The following LRRC43 variants were observed in gnomAD, a reference collection of about 807,000 sequenced individuals.
LRRC43 encodes leucine-rich repeat-containing protein 43.
LRRC43 carries 62 observed loss-of-function variants against 64.3 expected under a neutral mutation model. That is an observed-to-expected ratio of 0.96 (90% CI 0.79 to 1.19). LRRC43 has a LOEUF of 1.19. LRRC43 is among the 50% of genes most tolerant of loss of function. LRRC43 has a pLI of 0.00. For missense variants in LRRC43, 868 were observed against 845.0 expected (o/e 1.03, Z -0.34); for synonymous variants, 422 against 382.3 (o/e 1.10, Z -1.21).
upstream of LRRC43, among the ~76,000 whole-genome samples, chr12:122,182,512 A>T (rs1953590683): frequency 8.0e-6 from 1 of 124,224 alleles, no homozygotes; most frequent in Non-Finnish European, 1.6e-5. Context: ...ACAAGAGTGA[A>T]ACTCGGTCTC....
rs78691998 is a variant in LRRC43 at position 122,200,733 on chromosome 12, C to T, written c.1621-13C>T. 3,696 of 1,613,108 alleles carry T rather than the reference C, an allele frequency of 2.3e-3. 110 individuals are homozygous for T. The East Asian group carries it at 0.069, about 30-fold the overall frequency. Reference sequence around the variant, plus strand: ...TCAACTTGTCCCACCCTCCTGTCCTCCCGTCGTCGCAGGAGTGGAAGGTGC... The same window carrying T: ...TCAACTTGTCCCACCCTCCTGTCCTTCCGTCGTCGCAGGAGTGGAAGGTGC... On this transcript the variant is annotated splice_polypyrimidine_tract_variant and intron_variant, in intron 9 of 11. Coordinates refer to ENST00000339777, the MANE Select transcript of LRRC43 (RefSeq NM_001098519.2). This position sits in a 1 kb window ranked among gnomAD's most constrained non-coding sequence, Gnocchi z 4.6.
chr12:122,187,847 C>CA lies in LRRC43; in HGVS notation c.662+7_662+8insA, dbSNP rs755324432. On this transcript the variant is annotated splice_region_variant and intron_variant, in intron 4 of 11. Transcript: ENST00000339777. ...ACGTCACCGCTAATCACTGGTAACTCGGGAGCCCAGATGGAAAGTGAGAGG... is the reference window on the plus strand; with the variant it reads ...ACGTCACCGCTAATCACTGGTAACTCAGGGAGCCCAGATGGAAAGTGAGAGG... 6.1e-5 allele frequency: 99 copies of CA among 1,613,546 alleles called. No individual in the cohort carries two copies. In the African/African-American group the frequency reaches 1.3e-3, roughly 20 times the overall value.
At chr12:122,170,927 G>A (rs1247924492) in intron 1 of LRRC43, among the ~76,000 whole-genome samples, 1 of 152,192 alleles carries the variant, frequency 6.6e-6, no homozygotes, top group Non-Finnish European at 1.5e-5. Context: ...GATTCAGTAG[G>A]TCTGGGGTGA....
At chr12:122,174,451 C>T (rs1314515189) in intron 1 of LRRC43, among the ~76,000 whole-genome samples, 2 of 152,194 alleles carry the variant, frequency 1.3e-5, no homozygotes, top group African/African-American at 2.4e-5. Flanking sequence ...CACATGAATG[C>T]ATCTTTGCCA....
intron 3 of LRRC43, 35 bp downstream of exon 3, chr12:122,186,335 C>A: frequency 7.2e-7 from 1 of 1,380,134 alleles, no homozygotes; most frequent in Non-Finnish European, 1.0e-6. Flanking sequence ...AGTATTTGGG[C>A]CTCCGCTGCC....
upstream of LRRC43, among the ~76,000 whole-genome samples, chr12:122,182,443 ATC>A (rs1312837942): frequency 7.0e-6 from 1 of 143,466 alleles, no homozygotes; most frequent in African/African-American, 2.6e-5. Context: ...AATCGGTTGA[ATC>A]TGGGAGGCGG....
chr12:122,187,665 G>GC (rs776455413), intron 3 of LRRC43, 36 bp from the exon 4 acceptor site: 1 of 1,606,316 alleles, frequency 6.2e-7, no homozygotes, highest in African/African-American at 1.3e-5. Context: ...CTGACTTGGG[G>GC]CCCCATCGTC....
intron 7 of LRRC43, among the ~76,000 whole-genome samples, chr12:122,194,410 C>A (rs1218864486): frequency 6.6e-6 from 1 of 151,454 alleles, no homozygotes; most frequent in African/African-American, 2.4e-5. Context: ...CTACTAAATA[C>A]AAAAAATTAG....
Position 122,200,264 on chromosome 12 carries a change from C to T in LRRC43, c.1425C>T (p.Leu475=). 1 of 1,614,038 alleles carries T rather than the reference C, an allele frequency of 6.2e-7. No individual in the cohort carries two copies. Among genetic ancestry groups the T allele is most frequent in the Non-Finnish European group, 8.5e-7 (1 of 1,180,028 alleles). ...IPCSYEMQHS[L]RDLVPLKAFL... ...GCAGTTACGAGATGCAGCACTCTCTCAGGGACCTGGTCCCACTGAAGGCCT... is the reference window on the plus strand; with the variant it reads ...GCAGTTACGAGATGCAGCACTCTCTTAGGGACCTGGTCCCACTGAAGGCCT... Residue 475 remains leucine (L), a synonymous_variant, in exon 8 of 12, where the codon CTC becomes CTT. Coordinates refer to ENST00000339777, the MANE Select transcript of LRRC43 (RefSeq NM_001098519.2). This position sits in a 1 kb window ranked among gnomAD's most constrained non-coding sequence, Gnocchi z 4.6.
At chr12:122,189,361 C>G (rs1427792099) in intron 4 of LRRC43, 1 of 453,438 alleles carries the variant, frequency 2.2e-6, no homozygotes, top group Admixed American at 2.4e-5. Flanking sequence ...GAAGGGAAGC[C>G]CCCTCTCTGA....
Position 122,200,213 on chromosome 12 carries a change from C to A in LRRC43, c.1374C>A (p.His458Gln). ...SPGTVLFSTAHKPWAEVIPCS... is the reference protein window; with the variant it reads ...SPGTVLFSTAQKPWAEVIPCS... The stretch of plus-strand genomic sequence containing the variant: ...GGACTGTCCTCTTCAGCACTGCCCA[C>A]AAGCCCTGGGCTGAGGTCATCCCCT... Residue 458 changes from histidine to glutamine, a missense_variant, in exon 8 of 12, where the codon CAC becomes CAA. By Grantham distance (24) the His-to-Gln change is conservative. Transcript: ENST00000339777. The surrounding 1 kb of genome is among the most constrained non-coding windows in gnomAD (Gnocchi z 4.6). 6.2e-7 allele frequency: 1 copy of A among 1,614,072 alleles called. No homozygotes were observed. Among genetic ancestry groups the A allele is most frequent in the Non-Finnish European group, 8.5e-7 (1 of 1,179,972 alleles).
chr12:122,176,304 G>T (rs915395314), intron 1 of LRRC43, among the ~76,000 whole-genome samples: 2 of 152,066 alleles, frequency 1.3e-5, no homozygotes, highest in Admixed American at 1.3e-4. Context: ...AAATGAGCTC[G>T]ATGCTGTTCC....
chr12:122,199,314 GCT>G (rs1304840992), intron 7 of LRRC43, among the ~76,000 whole-genome samples: 1 of 96,100 alleles, frequency 1.0e-5, no homozygotes, highest in Non-Finnish European at 1.9e-5. Context: ...ACGGAGTCTT[GCT>G]CTGTCACCCA....
upstream of LRRC43, among the ~76,000 whole-genome samples, chr12:122,178,650 G>A (rs186284571): frequency 7.1e-6 from 1 of 140,790 alleles, no homozygotes; most frequent in East Asian, 2.2e-4. Flanking sequence ...GGAGTGCAGT[G>A]GCATGATCTC....
At chr12:122,196,661 C>T (rs939963887) in intron 7 of LRRC43, among the ~76,000 whole-genome samples, 1 of 151,650 alleles carries the variant, frequency 6.6e-6, no homozygotes, top group Non-Finnish European at 1.5e-5. Context: ...CCCAGCTACT[C>T]AGGAGGCCGA....
intron 7 of LRRC43, among the ~76,000 whole-genome samples, chr12:122,194,669 C>T (rs149367370): frequency 1.8e-4 from 28 of 151,872 alleles, no homozygotes; most frequent in Admixed American, 3.3e-4. Flanking sequence ...TGGGGTCTCT[C>T]GATGTTGACC....
intron 1 of LRRC43, chr12:122,172,807 T>A (rs1359031979): frequency 8.0e-7 from 1 of 1,254,364 alleles, no homozygotes; most frequent in Non-Finnish European, 1.1e-6. Flanking sequence ...TAACAGTGAA[T>A]GTTTGCATGC....
chr12:122,197,713 AG>A, intron 7 of LRRC43, among the ~76,000 whole-genome samples: 1 of 152,152 alleles, frequency 6.6e-6, no homozygotes, highest in Middle Eastern at 3.4e-3. Flanking sequence ...CTTTCTCCCA[AG>A]GGGAAACTAG....
intron 4 of LRRC43, among the ~76,000 whole-genome samples, chr12:122,189,242 A>G (rs780044709): frequency 3.3e-5 from 5 of 152,088 alleles, no homozygotes; most frequent in Non-Finnish European, 7.4e-5. Context: ...CCCAGCAAGG[A>G]TGGAAGGGGT....
Sources: gnomAD v4.1 joint callset for allele counts (sites outside exome capture counted in the v4.1 genomes callset) on GRCh38, gnomAD v4.1.1 for gene constraint, Gnocchi (gnomAD v3.1) non-coding constraint, MANE v1.5 for transcripts, NCBI Gene and HGNC (gene_info 2026-07-23, HGNC 2026-07-21) for gene names.